RANBP2: variants seen among roughly 807,000 people sequenced by gnomAD.
RANBP2 encodes the protein RAN binding protein 2, also known as E3 SUMO-protein ligase RanBP2.
A neutral mutation model predicts 303.6 loss-of-function variants in RANBP2; 57 were observed. The observed-to-expected ratio is 0.19, with a 90% CI of 0.15 to 0.23. The LOEUF is 0.23. Among genes scored for constraint, RANBP2 ranks in the 10% least tolerant of loss-of-function variants. The pLI, the probability that RANBP2 is intolerant of heterozygous loss-of-function variation, is 1.00. For synonymous variants in RANBP2, 1,167 were observed against 1,301.5 expected (o/e 0.90, Z 2.23); for missense variants, 3,138 against 3,780.8 (o/e 0.83, Z 4.46).
At chr2:108,811,161 C>T in the RANBP2 span, among the ~76,000 whole-genome samples, 1 of 150,662 alleles carries the variant, frequency 6.6e-6, no homozygotes, top group East Asian at 1.9e-4. Flanking sequence ...CTTCCCTACC[C>T]CCCTAACCCT....
At chr2:109,026,311 A>AAG in the RANBP2 span, among the ~76,000 whole-genome samples, 1 of 5,062 alleles carries the variant, frequency 2.0e-4, no homozygotes, top group South Asian at 0.011. Context: ...TTTTTTTTTT[A>AAG]AGAGATGGGG....
chr2:109,580,443 C>G, the RANBP2 span, among the ~76,000 whole-genome samples: 1 of 149,842 alleles, frequency 6.7e-6, no homozygotes, highest in Non-Finnish European at 1.5e-5. Flanking sequence ...TTTATTTTAT[C>G]TAAAACAAAA....
the RANBP2 span, among the ~76,000 whole-genome samples, chr2:109,115,576 CTT>C: frequency 2.6e-5 from 4 of 152,208 alleles, no homozygotes; most frequent in South Asian, 2.1e-4. Context: ...GGTCTTGACT[CTT>C]TATCCAATTT....
At chr2:109,416,013 G>A in the RANBP2 span, among the ~76,000 whole-genome samples, 1 of 152,132 alleles carries the variant, frequency 6.6e-6, no homozygotes, top group East Asian at 1.9e-4. Flanking sequence ...CAGCCCCCTC[G>A]TCATGTGATG....
chr2:109,051,352 C>G, the RANBP2 span, among the ~76,000 whole-genome samples: 2 of 152,140 alleles, frequency 1.3e-5, no homozygotes, highest in South Asian at 4.1e-4. Flanking sequence ...GAAGTTTCAC[C>G]CCCTGCCCCA....
chr2:109,344,010 CTAAGA>C, the RANBP2 span, among the ~76,000 whole-genome samples: 1 of 152,182 alleles, frequency 6.6e-6, no homozygotes, highest in Non-Finnish European at 1.5e-5. Flanking sequence ...TCCCAAAGTG[CTAAGA>C]TAATAGGCGT....
the RANBP2 span, among the ~76,000 whole-genome samples, chr2:109,203,082 G>A: frequency 1.3e-5 from 2 of 152,138 alleles, no homozygotes; most frequent in Non-Finnish European, 2.9e-5. Flanking sequence ...AAGCTCCGTC[G>A]AGCCTGGAAC....
At chr2:109,612,223 G>C in the RANBP2 span, among the ~76,000 whole-genome samples, 1 of 152,058 alleles carries the variant, frequency 6.6e-6, no homozygotes, top group Non-Finnish European at 1.5e-5. Flanking sequence ...GTTACTAACT[G>C]GGTGATTCCA....
At chr2:109,709,943 C>G in the RANBP2 span, among the ~76,000 whole-genome samples, 384 of 151,994 alleles carry the variant, frequency 2.5e-3, 3 homozygotes, top group African/African-American at 9.0e-3. Flanking sequence ...CAAAATTAGC[C>G]AGGGGTGGTG....
chr2:109,078,086 A>ATATATATATATATATATATATATAGCGTG, the RANBP2 span, among the ~76,000 whole-genome samples: 1 of 8,448 alleles, frequency 1.2e-4, no homozygotes, highest in Non-Finnish European at 6.3e-4. Flanking sequence ...GAATATATAT[A>ATATATATATATATATATATATATAGCGTG]TATATATATA....
At chr2:109,541,418 G>T in the RANBP2 span, among the ~76,000 whole-genome samples, 4 of 152,120 alleles carry the variant, frequency 2.6e-5, no homozygotes, top group Non-Finnish European at 5.9e-5. Flanking sequence ...CTCCTTAGGT[G>T]AGTCTATTGT....
At chr2:109,547,946 G>A in the RANBP2 span, among the ~76,000 whole-genome samples, 1 of 152,138 alleles carries the variant, frequency 6.6e-6, no homozygotes, top group Non-Finnish European at 1.5e-5. Flanking sequence ...ACATGTGCTG[G>A]GGTAACTGTG....
At chr2:109,325,648 C>G in the RANBP2 span, among the ~76,000 whole-genome samples, 2 of 152,188 alleles carry the variant, frequency 1.3e-5, no homozygotes, top group African/African-American at 4.8e-5. Context: ...CTGTTCCATT[C>G]TCAGCACTGA....
the RANBP2 span, chr2:109,251,767 T>A: frequency 1.6e-5 from 9 of 557,702 alleles, no homozygotes; most frequent in African/African-American, 1.7e-4. Flanking sequence ...TAAACTTTTG[T>A]AATAGTCAAA....
chr2:109,318,093 C>T, the RANBP2 span, among the ~76,000 whole-genome samples: 1 of 129,078 alleles, frequency 7.7e-6, no homozygotes, highest in African/African-American at 3.8e-5. Flanking sequence ...CGCTGAATTT[C>T]AGTACGCAAA....
the RANBP2 span, among the ~76,000 whole-genome samples, chr2:109,481,402 A>G: frequency 6.6e-6 from 1 of 151,970 alleles, no homozygotes; most frequent in Admixed American, 6.6e-5. Flanking sequence ...GTTCCTGCCC[A>G]CAGGCCAGAG....
the RANBP2 span, among the ~76,000 whole-genome samples, chr2:109,510,913 G>A: frequency 2.0e-5 from 3 of 152,296 alleles, no homozygotes; most frequent in Admixed American, 6.5e-5. Flanking sequence ...TGGCCTCCTC[G>A]TGGGTGCTGA....
chr2:108,825,262 T>C, the RANBP2 span, among the ~76,000 whole-genome samples: 1 of 106,604 alleles, frequency 9.4e-6, no homozygotes, highest in South Asian at 3.2e-4. Flanking sequence ...GTTTTTGTTC[T>C]GGTGGTGGGT....
the RANBP2 span, among the ~76,000 whole-genome samples, chr2:109,061,132 G>T: frequency 2.0e-5 from 3 of 151,930 alleles, no homozygotes; most frequent in Non-Finnish European, 4.4e-5. Flanking sequence ...AAAGTTTGTA[G>T]GTCAGAGAAG....
Sources: allele counts gnomAD v4.1 joint callset (sites outside exome capture counted in the v4.1 genomes callset), GRCh38; gene constraint gnomAD v4.1.1; transcripts MANE v1.5; gene names NCBI Gene and HGNC (gene_info 2026-07-23, HGNC 2026-07-21).